Variants in PAPPA2 observed in about 807,000 individuals in gnomAD.
PAPPA2 encodes pappalysin-2.
A neutral mutation model predicts 176.4 loss-of-function variants in PAPPA2; 86 were observed. The ratio of observed to expected loss-of-function variants is 0.49; its 90% CI spans 0.41 to 0.58. The LOEUF (loss-of-function observed/expected upper bound fraction) is 0.58, where lower values mean the gene tolerates loss of function less well. Among genes scored for constraint, PAPPA2 ranks in the 20% least tolerant of loss-of-function variants. The probability of loss-of-function intolerance (pLI) is 0.00; values close to 1 mark genes in which losing one functional copy is unlikely to be tolerated. For missense variants in PAPPA2, 2,073 were observed against 2,256.9 expected, an observed-to-expected ratio of 0.92 and a Z score of 1.65; for synonymous variants, 809 against 852.2, an observed-to-expected ratio of 0.95 and a Z score of 0.88.
intron 1 of PAPPA2, among the ~76,000 whole-genome samples, chr1:176,511,328 A>T (rs980631043): frequency 2.0e-5 from 3 of 152,232 alleles, no homozygotes; most frequent in Non-Finnish European, 2.9e-5. Flanking sequence ...CTCATTCATG[A>T]TTAAAACTCT....
rs184118273 is a variant in PAPPA2, at chr1:176,465,369, G to A, written c.-917+1951G>A. On this transcript the variant is annotated intron_variant, in intron 1 of 22. Coordinates refer to ENST00000367662, the MANE Select transcript of PAPPA2 (RefSeq NM_020318.3). ...TTATACTCTCACCAGTAGTGAATGG[G>A]AGACCCTATTTCACAGGTCTCCCTA... Among the ~76,000 whole-genome samples, 12 of 152,284 alleles carry A rather than the reference G, an allele frequency of 7.9e-5. No individual in the cohort carries two copies. In the East Asian group the frequency reaches 2.1e-3, roughly 27 times the overall value.
At chr1:176,499,381 A>G (rs1042386077) in intron 1 of PAPPA2, among the ~76,000 whole-genome samples, 1 of 152,194 alleles carries the variant, frequency 6.6e-6, no homozygotes, top group Non-Finnish European at 1.5e-5. Flanking sequence ...TAATCTTTGC[A>G]TATTCAGAAT....
chr1:176,707,010 G>A (rs1660909736), intron 10 of PAPPA2, among the ~76,000 whole-genome samples: 1 of 152,152 alleles, frequency 6.6e-6, no homozygotes, highest in African/African-American at 2.4e-5. Context: ...TGACTCTAGA[G>A]TATAAGGTGC....
At position 176,556,533 on chromosome 1, in the gene PAPPA2, T is replaced by C. The variant is rs1217390582; in HGVS notation, c.211T>C (p.Tyr71His). 6.2e-7 allele frequency: 1 copy of C among 1,614,140 alleles called. No individual in the cohort carries two copies. The highest frequency in any genetic ancestry group is 1.1e-5 in the South Asian group (1 of 91,078). Residue 71 changes from tyrosine (Y) to histidine (H), a missense_variant, in exon 2 of 23, where the codon TAC becomes CAC. Physicochemically the swap from Tyr to His is moderately conservative, Grantham distance 83. This residue lies in a region of PAPPA2 where 1,196 missense variants were observed against 1,330.4 expected (regional missense o/e 0.90). Coordinates refer to ENST00000367662, the MANE Select transcript of PAPPA2 (RefSeq NM_020318.3). The stretch of plus-strand genomic sequence containing the variant: ...TCCACAGCATCACCTCTTTGGAGTC[T>C]ACCCCAGCAGGGCTGGGAACTACCT... ...ASPQHHLFGV[Y>H]PSRAGNYLRP...
intron 1 of PAPPA2, among the ~76,000 whole-genome samples, chr1:176,490,453 T>C (rs978559806): frequency 1.3e-5 from 2 of 152,102 alleles, no homozygotes; most frequent in Non-Finnish European, 2.9e-5. Context: ...ACAAAAACAA[T>C]TGTCCTCTCT....
At chr1:176,623,557 CCCTT>C (rs1298902441) in intron 3 of PAPPA2, among the ~76,000 whole-genome samples, 1 of 137,506 alleles carries the variant, frequency 7.3e-6, no homozygotes. Context: ...CTGCATTTTC[CCCTT>C]CCTTCCTTCC....
At chr1:176,767,420 A>C (rs945849264) in intron 15 of PAPPA2, among the ~76,000 whole-genome samples, 1 of 151,864 alleles carries the variant, frequency 6.6e-6, no homozygotes, top group African/African-American at 2.4e-5. Flanking sequence ...GCTCACTGCA[A>C]CCTCCCAACC....
intron 3 of PAPPA2, among the ~76,000 whole-genome samples, chr1:176,654,786 T>C (rs1657934746): frequency 6.6e-6 from 1 of 151,792 alleles, no homozygotes; most frequent in Admixed American, 6.6e-5. Flanking sequence ...TACAGACCTT[T>C]CACTTATGTG....
rs549177011 is a variant in PAPPA2, at chr1:176,477,655, G to A, written c.-917+14237G>A. Among the ~76,000 whole-genome samples, 470 of 152,242 alleles carry A rather than the reference G, an allele frequency of 3.1e-3. 3 individuals are homozygous for A. Among genetic ancestry groups the A allele is most frequent in the South Asian group, 0.022 (108 of 4,830 alleles). On this transcript the variant is annotated intron_variant, in intron 1 of 22. Transcript: ENST00000367662. ...AGCTACTCAGGAGGCTGAGGCAGGA[G>A]AATCACTTGAACCTGGGAGGTGGAA...
intron 21 of PAPPA2, among the ~76,000 whole-genome samples, chr1:176,806,693 G>A (rs1451491506): frequency 2.6e-5 from 4 of 152,130 alleles, no homozygotes; most frequent in African/African-American, 9.7e-5. Context: ...TAAAATTGTT[G>A]TGAAGATTCA....
chr1:176,493,743 T>G (rs2102496926), intron 1 of PAPPA2, among the ~76,000 whole-genome samples: 1 of 152,288 alleles, frequency 6.6e-6, no homozygotes, highest in Non-Finnish European at 1.5e-5. Context: ...AAGGCTCTGC[T>G]AGGTTATGTC....
intron 18 of PAPPA2, among the ~76,000 whole-genome samples, chr1:176,790,489 A>G (rs905007447): frequency 3.9e-5 from 6 of 152,208 alleles, no homozygotes; most frequent in African/African-American, 1.2e-4. Flanking sequence ...CAAGCCTCAC[A>G]CACATACATG....
At chr1:176,694,173 C>T (rs1043392045) in intron 6 of PAPPA2, among the ~76,000 whole-genome samples, 2 of 152,186 alleles carry the variant, frequency 1.3e-5, no homozygotes, top group Non-Finnish European at 2.9e-5. Flanking sequence ...CCCAGCTACG[C>T]ACTTAGCAGC....
At position 176,463,377 on chromosome 1, in the gene PAPPA2, G is replaced by C; in HGVS notation, c.-958G>C. 6.6e-6 allele frequency: 1 copy of C among 152,246 alleles called. No individual in the cohort carries two copies. Among genetic ancestry groups the C allele is most frequent in the East Asian group, 1.9e-4 (1 of 5,190 alleles). The allele number at this position is 152,246 out of a possible 1,614,324, so 9.4% of individuals were successfully genotyped here. A position where few individuals can be genotyped will look rare whatever the true frequency, so the allele number is the denominator to read the frequency against. On this transcript the variant is annotated 5_prime_UTR_variant, in exon 1 of 23. Coordinates refer to ENST00000367662, the MANE Select transcript of PAPPA2 (RefSeq NM_020318.3). ...CCCAAGCCCACGAGTATCAATGGCA[G>C]TATCAATTGTCTGTGACAGTGATTA...
chr1:176,808,063 G>A (rs549637588), intron 21 of PAPPA2, among the ~76,000 whole-genome samples: 1 of 152,242 alleles, frequency 6.6e-6, no homozygotes, highest in East Asian at 1.9e-4. Flanking sequence ...GGAAGACCCA[G>A]CCAGTGCAAT....
chr1:176,821,486 T>A (rs1408629202), intron 21 of PAPPA2, among the ~76,000 whole-genome samples: 1 of 152,210 alleles, frequency 6.6e-6, no homozygotes, highest in African/African-American at 2.4e-5. Flanking sequence ...TATAAATGTC[T>A]TAAATAGCAA....
chr1:176,843,735 G>A lies in PAPPA2; in HGVS notation c.*1281G>A, dbSNP rs911014024. 1.3e-4 allele frequency: 20 copies of A among 152,142 alleles called. No homozygotes were observed. Among genetic ancestry groups the A allele is most frequent in the African/African-American group, 4.8e-4 (20 of 41,442 alleles). 9.4% of individuals were successfully genotyped at this position (152,142 alleles called of 1,614,324 possible). ...CAGGGTTAAATCCAGGCCCGGGCATGAGAATGGAAGTGATCAGGGAGACTC... is the reference window on the plus strand; with the variant it reads ...CAGGGTTAAATCCAGGCCCGGGCATAAGAATGGAAGTGATCAGGGAGACTC... On this transcript the variant is annotated 3_prime_UTR_variant, in exon 23 of 23. Transcript: ENST00000367662.
intron 21 of PAPPA2, among the ~76,000 whole-genome samples, chr1:176,830,626 G>C (rs1667048519): frequency 6.6e-6 from 1 of 152,196 alleles, no homozygotes; most frequent in African/African-American, 2.4e-5. Context: ...TTAAAGAAGA[G>C]AGCCAAATGT....
chr1:176,806,280 A>C (rs1473041270), intron 21 of PAPPA2, among the ~76,000 whole-genome samples: 21 of 152,008 alleles, frequency 1.4e-4, no homozygotes, highest in Admixed American at 1.4e-3. Flanking sequence ...TAGTCTACCA[A>C]CTCCTGAGTG....
Sources: gnomAD v4.1 joint callset for allele counts (sites outside exome capture counted in the v4.1 genomes callset) on GRCh38, gnomAD v4.1.1 for gene constraint, gnomAD v4.1.1 regional missense constraint, MANE v1.5 for transcripts, NCBI Gene and HGNC (gene_info 2026-07-23, HGNC 2026-07-21) for gene names.